NELL2: variants seen among roughly 807,000 people sequenced by gnomAD.
NELL2 encodes neural EGFL like 2.
A neutral mutation model predicts 109.6 loss-of-function variants in NELL2; 41 were observed. The ratio of observed to expected loss-of-function variants is 0.37; its 90% CI spans 0.29 to 0.49. The LOEUF is 0.49. NELL2 is among the 20% of genes least tolerant of loss of function. The pLI, the probability that NELL2 is intolerant of heterozygous loss-of-function variation, is 0.98. For synonymous variants in NELL2, 355 were observed against 344.7 expected (o/e 1.03, Z -0.33); for missense variants, 900 against 1,008.3 (o/e 0.89, Z 1.45).
At chr12:44,698,681 C>T (rs1387988223) in intron 12 of NELL2, among the ~76,000 whole-genome samples, 2 of 152,128 alleles carry the variant, frequency 1.3e-5, no homozygotes, top group Non-Finnish European at 2.9e-5. Flanking sequence ...TAAACTATTT[C>T]CCATATTCTT....
At chr12:44,758,053 C>CAT (rs1161616535) in intron 9 of NELL2, among the ~76,000 whole-genome samples, 1 of 151,660 alleles carries the variant, frequency 6.6e-6, no homozygotes, top group Non-Finnish European at 1.5e-5. Context: ...ATTACACACA[C>CAT]ACACACACAC....
chr12:44,570,200 T>A (rs912283370), intron 15 of NELL2, among the ~76,000 whole-genome samples: 1 of 152,174 alleles, frequency 6.6e-6, no homozygotes, highest in African/African-American at 2.4e-5. Flanking sequence ...TGATCCCCCA[T>A]TGATTTCTGC....
At chr12:44,676,503 G>A (rs759593437) in intron 12 of NELL2, among the ~76,000 whole-genome samples, 4 of 152,082 alleles carry the variant, frequency 2.6e-5, no homozygotes, top group Non-Finnish European at 5.9e-5. Flanking sequence ...ATTAAAAACT[G>A]TATTCATCTG....
At chr12:44,579,324 T>C (rs544478347) in intron 15 of NELL2, among the ~76,000 whole-genome samples, 17 of 152,326 alleles carry the variant, frequency 1.1e-4, no homozygotes, top group Admixed American at 6.5e-4. Context: ...TGAGATCAGA[T>C]TATGTTCCCC....
intron 2 of NELL2, among the ~76,000 whole-genome samples, chr12:44,858,374 T>C (rs1944742306): frequency 6.6e-6 from 1 of 152,200 alleles, no homozygotes; most frequent in Non-Finnish European, 1.5e-5. Flanking sequence ...TCATTCCATA[T>C]ATTTCCTTTG....
intron 3 of NELL2, among the ~76,000 whole-genome samples, chr12:44,799,576 T>C (rs1229781723): frequency 1.3e-5 from 2 of 152,186 alleles, no homozygotes; most frequent in African/African-American, 2.4e-5. Context: ...CTTTATAATA[T>C]ATTATATTCT....
intron 15 of NELL2, among the ~76,000 whole-genome samples, chr12:44,533,479 G>A (rs1177542868): frequency 6.6e-6 from 1 of 152,076 alleles, no homozygotes; most frequent in African/African-American, 2.4e-5. Context: ...GAGGCAGAAG[G>A]AAATTATGGG....
intron 9 of NELL2, among the ~76,000 whole-genome samples, chr12:44,740,218 G>T (rs921098330): frequency 6.6e-6 from 1 of 152,166 alleles, no homozygotes; most frequent in Non-Finnish European, 1.5e-5. Flanking sequence ...ACTTCTCAGA[G>T]ATGCTTTCTT....
At chr12:44,697,817 T>A (rs1265904947) in intron 12 of NELL2, among the ~76,000 whole-genome samples, 1 of 152,178 alleles carries the variant, frequency 6.6e-6, no homozygotes, top group South Asian at 2.1e-4. Context: ...AGGACTGCCA[T>A]AATAAAGTAC....
chr12:44,674,481 T>C (rs1592311885), intron 12 of NELL2, among the ~76,000 whole-genome samples: 1 of 152,294 alleles, frequency 6.6e-6, no homozygotes, highest in East Asian at 1.9e-4. Context: ...TCATGTTATT[T>C]TGCTGCAGAA....
intron 2 of NELL2, among the ~76,000 whole-genome samples, chr12:44,834,160 C>G (rs1398339736): frequency 6.6e-6 from 1 of 152,106 alleles, no homozygotes; most frequent in African/African-American, 2.4e-5. Flanking sequence ...GCCCAAACAT[C>G]AATAATATAT....
chr12:44,532,467 T>C (rs559631360), intron 16 of NELL2, 114 bp downstream of exon 16: 6 of 1,000,730 alleles, frequency 6.0e-6, no homozygotes, highest in Admixed American at 2.6e-5. Context: ...CACTGTTGTA[T>C]ACACATATAG....
intron 2 of NELL2, among the ~76,000 whole-genome samples, chr12:44,831,468 C>G (rs771486912): frequency 6.6e-6 from 1 of 152,202 alleles, no homozygotes; most frequent in East Asian, 1.9e-4. Context: ...TAATCCAGTA[C>G]CATGAACTGT....
intron 3 of NELL2, among the ~76,000 whole-genome samples, chr12:44,785,335 G>C (rs1942122717): frequency 6.6e-6 from 1 of 152,098 alleles, no homozygotes; most frequent in South Asian, 2.1e-4. Context: ...GGATGCGAAG[G>C]ACCTCTTCAA....
intron 15 of NELL2, among the ~76,000 whole-genome samples, chr12:44,544,402 C>T (rs1362377634): frequency 6.6e-6 from 1 of 152,130 alleles, no homozygotes; most frequent in African/African-American, 2.4e-5. Context: ...TAAACCCTAA[C>T]ACACCCTCGT....
chr12:44,651,455 A>C (rs973811014), intron 13 of NELL2, among the ~76,000 whole-genome samples: 3 of 152,178 alleles, frequency 2.0e-5, no homozygotes, highest in Non-Finnish European at 2.9e-5. Context: ...CTAGATTTTA[A>C]AATTGGGCAG....
intron 3 of NELL2, among the ~76,000 whole-genome samples, chr12:44,801,130 C>T (rs778889640): frequency 1.3e-5 from 2 of 152,062 alleles, no homozygotes; most frequent in East Asian, 1.9e-4. Context: ...ATTATAGAAA[C>T]GCCAAAATGC....
intron 9 of NELL2, among the ~76,000 whole-genome samples, chr12:44,726,459 T>C (rs1939088105): frequency 6.6e-6 from 1 of 152,116 alleles, no homozygotes; most frequent in Non-Finnish European, 1.5e-5. Context: ...CGCTTTCTAG[T>C]CCAGTCAAAT....
intron 13 of NELL2, among the ~76,000 whole-genome samples, chr12:44,653,781 A>G (rs1474537869): frequency 2.0e-5 from 3 of 152,204 alleles, no homozygotes; most frequent in African/African-American, 4.8e-5. Flanking sequence ...AAAATAACAT[A>G]CAACAAAGAC....
Sources: allele counts gnomAD v4.1 joint callset (sites outside exome capture counted in the v4.1 genomes callset), GRCh38; gene constraint gnomAD v4.1.1; transcripts MANE v1.5; gene names NCBI Gene and HGNC (gene_info 2026-07-23, HGNC 2026-07-21).